Variants in PCDH9 observed in about 807,000 individuals in gnomAD.
PCDH9 encodes protocadherin 9.
Under a neutral mutation model 70.6 loss-of-function variants are expected in PCDH9, and 24 were observed. The ratio of observed to expected loss-of-function variants is 0.34; its 90% confidence interval spans 0.25 to 0.48. PCDH9 has a LOEUF of 0.48. Among genes scored for constraint, PCDH9 ranks in the 20% least tolerant of loss-of-function variants. The probability of loss-of-function intolerance (pLI) is 0.99; values close to 1 mark genes in which losing one functional copy is unlikely to be tolerated. For synonymous variants in PCDH9, 562 were observed against 558.5 expected, an observed-to-expected ratio of 1.01 and a Z score of -0.09; for missense variants, 1,281 against 1,503.6, an observed-to-expected ratio of 0.85 and a Z score of 2.45.
In PCDH9 at chr13:66,998,910, TA is replaced by T. The variant is rs549206709; in HGVS notation, c.3037-95306del. ...AAATGTCATATTATTAAGGCTCAAT[TA>T]AAAAAATTAAATAAAGAGCAACAAA... On this transcript the variant is annotated intron_variant, in intron 2 of 4. Coordinates refer to ENST00000377865, the MANE Select transcript of PCDH9 (RefSeq NM_203487.3). 3.3e-5 allele frequency among the ~76,000 whole-genome samples: 5 copies of T among 152,152 alleles called. No individual in the cohort carries two copies. The South Asian group carries it at 6.2e-4, about 19-fold the overall frequency.
chr13:66,438,734 T>TA (rs1957922001), intron 4 of PCDH9, among the ~76,000 whole-genome samples: 1 of 152,182 alleles, frequency 6.6e-6, no homozygotes, highest in Non-Finnish European at 1.5e-5. Context: ...GGAGGTGGTC[T>TA]AAAATATAGA....
chr13:66,349,889 A>C (rs532230648), intron 4 of PCDH9, among the ~76,000 whole-genome samples: 76 of 152,278 alleles, frequency 5.0e-4, no homozygotes, highest in African/African-American at 1.5e-3. Flanking sequence ...AGTCAAAAGA[A>C]ATTTTTGACT....
In PCDH9 at chr13:66,528,270, T is replaced by G. The variant is rs1007651642; in HGVS notation, c.3340+102940A>C. 3.3e-5 allele frequency among the ~76,000 whole-genome samples: 5 copies of G among 152,128 alleles called. No individual in the cohort carries two copies. In the East Asian group the frequency reaches 9.7e-4, roughly 29 times the overall value. ...TTATTATATGGGGCAATGAAAACTC[T>G]CAGCAGTTCGCTTCACAGGGGAGTC... On this transcript the variant is annotated intron_variant, in intron 4 of 4. Transcript: ENST00000377865.
chr13:67,025,653 AC>A (rs2139870775), intron 2 of PCDH9, among the ~76,000 whole-genome samples: 1 of 152,262 alleles, frequency 6.6e-6, no homozygotes, highest in East Asian at 1.9e-4. Context: ...ATTAAAAATT[AC>A]TGGGAGGAAG....
chr13:66,779,847 C>CTATATATATATATATATA, intron 3 of PCDH9, among the ~76,000 whole-genome samples: 1 of 59,698 alleles, frequency 1.7e-5, no homozygotes, highest in African/African-American at 6.4e-5. Context: ...CTCTCTCTCT[C>CTATATATATATATATATA]TCTATATATA....
intron 4 of PCDH9, among the ~76,000 whole-genome samples, chr13:66,445,018 A>G (rs1225241346): frequency 6.7e-6 from 1 of 148,636 alleles, no homozygotes; most frequent in Non-Finnish European, 1.5e-5. Flanking sequence ...ATTGTAACAC[A>G]CGATGATTGT....
chr13:67,200,432 G>T (rs2089181044), intron 2 of PCDH9, among the ~76,000 whole-genome samples: 1 of 152,000 alleles, frequency 6.6e-6, no homozygotes, highest in Admixed American at 6.6e-5. Context: ...ATGGTATAGG[G>T]TTTGTGCTCA....
intron 3 of PCDH9, among the ~76,000 whole-genome samples, chr13:66,893,656 G>A (rs1228974005): frequency 6.6e-6 from 1 of 152,052 alleles, no homozygotes; most frequent in East Asian, 1.9e-4. Context: ...CCTACACTGA[G>A]ATGCAATAAA....
intron 2 of PCDH9, among the ~76,000 whole-genome samples, chr13:67,043,546 T>G (rs2085164030): frequency 6.6e-6 from 1 of 152,106 alleles, no homozygotes; most frequent in Non-Finnish European, 1.5e-5. Flanking sequence ...GTGATAAAAT[T>G]ATAGGGTCTA....
chr13:67,094,787 T>C (rs1057052467), intron 2 of PCDH9, among the ~76,000 whole-genome samples: 1 of 152,176 alleles, frequency 6.6e-6, no homozygotes, highest in Non-Finnish European at 1.5e-5. Context: ...ATCTTGTGAA[T>C]TTTCTGAATT....
intron 4 of PCDH9, among the ~76,000 whole-genome samples, chr13:66,385,997 A>T (rs562825078): frequency 9.0e-6 from 1 of 110,860 alleles, no homozygotes; most frequent in East Asian, 3.9e-4. Context: ...CGTATCTGAT[A>T]AAAAAAAAAA....
intron 3 of PCDH9, among the ~76,000 whole-genome samples, chr13:66,753,476 T>A (rs1409684195): frequency 6.6e-6 from 1 of 152,214 alleles, no homozygotes; most frequent in Admixed American, 6.5e-5. Context: ...ACAATTTTTA[T>A]ATGTTAATGA....
At chr13:66,598,552 C>A (rs1307663203) in intron 4 of PCDH9, among the ~76,000 whole-genome samples, 1 of 151,692 alleles carries the variant, frequency 6.6e-6, no homozygotes, top group Non-Finnish European at 1.5e-5. Flanking sequence ...ATTTATGCAA[C>A]AAGTTTAGTT....
chr13:66,522,782 T>C (rs1960055104), intron 4 of PCDH9, among the ~76,000 whole-genome samples: 1 of 152,010 alleles, frequency 6.6e-6, no homozygotes, highest in Non-Finnish European at 1.5e-5. Flanking sequence ...AATCTCCCCT[T>C]AAAACTTTGG....
intron 2 of PCDH9, among the ~76,000 whole-genome samples, chr13:67,137,209 C>A (rs1189834345): frequency 6.6e-6 from 1 of 152,042 alleles, no homozygotes; most frequent in Admixed American, 6.6e-5. Context: ...CTAATCTAAT[C>A]ATTTTGTTCG....
In PCDH9 at chr13:66,769,210, T is replaced by C. The variant is rs571888341; in HGVS notation, c.3138+134294A>G. ...GGTTCCAGTAAAGGAAATAATAAAG[T>C]GAAATATGAAAAAAAAATGTTCTTT... On this transcript the variant is annotated intron_variant, in intron 3 of 4. Transcript: ENST00000377865. 2.6e-5 allele frequency among the ~76,000 whole-genome samples: 4 copies of C among 151,778 alleles called. No homozygotes were observed. The South Asian group carries it at 8.3e-4, about 32-fold the overall frequency.
At chr13:66,544,635 A>G (rs1961104567) in intron 4 of PCDH9, among the ~76,000 whole-genome samples, 1 of 152,152 alleles carries the variant, frequency 6.6e-6, no homozygotes, top group Admixed American at 6.5e-5. Flanking sequence ...GGTACTTGCA[A>G]TTATATGCAA....
chr13:66,752,343 G>A (rs1245016012), intron 3 of PCDH9, among the ~76,000 whole-genome samples: 1 of 152,004 alleles, frequency 6.6e-6, no homozygotes, highest in Non-Finnish European at 1.5e-5. Flanking sequence ...TATTTGTTTT[G>A]AGATATGCAA....
chr13:66,843,984 A>G (rs2081160460), intron 3 of PCDH9, among the ~76,000 whole-genome samples: 1 of 152,126 alleles, frequency 6.6e-6, no homozygotes, highest in South Asian at 2.1e-4. Flanking sequence ...TGACTCTAAA[A>G]TGTAGCAATA....
Sources: gnomAD v4.1 joint callset for allele counts (sites outside exome capture counted in the v4.1 genomes callset) on GRCh38, gnomAD v4.1.1 for gene constraint, MANE v1.5 for transcripts, NCBI Gene and HGNC (gene_info 2026-07-23, HGNC 2026-07-21) for gene names.